CD244: variants seen among roughly 807,000 people sequenced by gnomAD.
CD244 encodes natural killer cell receptor 2B4.
CD244 carries 20 observed loss-of-function variants against 45.5 expected under a neutral mutation model. The observed-to-expected ratio is 0.44, with a 90% CI of 0.31 to 0.64. The LOEUF (loss-of-function observed/expected upper bound fraction) is 0.64. CD244 is among the 30% of genes least tolerant of loss of function. CD244 has a pLI of 0.08. For synonymous variants in CD244, 185 were observed against 160.5 expected (o/e 1.15, Z -1.15); for missense variants, 407 against 426.9 (o/e 0.95, Z 0.41).
chr1:160,855,730 G>A (rs2101893165), intron 1 of CD244, among the ~76,000 whole-genome samples: 1 of 152,336 alleles, frequency 6.6e-6, no homozygotes, highest in Non-Finnish European at 1.5e-5. Flanking sequence ...AGCAGCTTTG[G>A]GGGCCACCTT....
At position 160,831,126 on chromosome 1, in the gene CD244, C is replaced by T. The variant is rs1433248373; in HGVS notation, c.*221G>A. 1.1e-5 allele frequency: 5 copies of T among 466,098 alleles called. No homozygotes were observed. The highest frequency in any genetic ancestry group is 1.5e-5 in the Non-Finnish European group (4 of 260,116). The allele number at this position is 466,098 out of a possible 1,614,324, so 28.9% of individuals were successfully genotyped here. On this transcript the variant is annotated 3_prime_UTR_variant, in exon 9 of 9. Coordinates refer to ENST00000368034, the MANE Select transcript of CD244 (RefSeq NM_016382.4). ...TTTGTGAACAACCTAACCCCTCCACCCATTCATGTCTGATCTGTAAATTGG... is the reference window on the plus strand; with the variant it reads ...TTTGTGAACAACCTAACCCCTCCACTCATTCATGTCTGATCTGTAAATTGG...
chr1:160,835,334 T>C (rs1047241888), intron 6 of CD244, among the ~76,000 whole-genome samples: 3 of 152,206 alleles, frequency 2.0e-5, no homozygotes, highest in African/African-American at 7.2e-5. Context: ...TGCCACTACC[T>C]AGCTATGTAG....
At chr1:160,853,711 G>A (rs571168753) in intron 1 of CD244, among the ~76,000 whole-genome samples, 1 of 150,396 alleles carries the variant, frequency 6.6e-6, no homozygotes, top group East Asian at 2.0e-4. Flanking sequence ...AAAAGCCTGG[G>A]AGGCAGGGGT....
rs138411835 is a variant in CD244, at chr1:160,843,522, A to G, written c.62-1621T>C. ...CTGAAGAGGCAGGGCCTCTTCATGT[A>G]TAAGGCATGATTCCTGACTCCAGAG... On this transcript the variant is annotated intron_variant, in intron 1 of 8. Transcript: ENST00000368034. Among the ~76,000 whole-genome samples, 557 of 152,330 alleles carry G rather than the reference A, an allele frequency of 3.7e-3. 4 individuals carry two copies. The highest frequency in any genetic ancestry group is 0.024 in the Middle Eastern group (7 of 294).
At chr1:160,840,791 C>T (rs1407830437) in intron 3 of CD244, among the ~76,000 whole-genome samples, 1 of 152,180 alleles carries the variant, frequency 6.6e-6, no homozygotes, top group Non-Finnish European at 1.5e-5. Flanking sequence ...TGGGGTCATC[C>T]TGATGCTCCT....
intron 7 of CD244, among the ~76,000 whole-genome samples, chr1:160,832,877 T>C (rs1669179823): frequency 6.7e-6 from 1 of 149,214 alleles, no homozygotes; most frequent in East Asian, 1.9e-4. Flanking sequence ...TGTGTATATA[T>C]ATATATATAT....
Position 160,832,870 on chromosome 1 carries a change from G to GTGTA in CD244, c.961-296_961-295insTACA, listed in dbSNP as rs1336342075. Among the ~76,000 whole-genome samples, 881 of 117,912 alleles carry GTGTA rather than the reference G, an allele frequency of 7.5e-3. 9 individuals are homozygous for GTGTA. Among genetic ancestry groups the GTGTA allele is most frequent in the African/African-American group, 0.023 (840 of 35,932 alleles). 77.4% of individuals were successfully genotyped at this position (117,912 alleles called of 152,430 possible). ...CCCATACACATATGTGTGTGTGTGT[G>GTGTA]TATATATATATATATATACACACAC... On this transcript the variant is annotated intron_variant, in intron 7 of 8. Coordinates refer to ENST00000368034, the MANE Select transcript of CD244 (RefSeq NM_016382.4).
intron 1 of CD244, among the ~76,000 whole-genome samples, chr1:160,849,091 G>A (rs1375422692): frequency 6.6e-6 from 1 of 152,160 alleles, no homozygotes; most frequent in Non-Finnish European, 1.5e-5. Flanking sequence ...CTGAATTGGA[G>A]AACACCCAGC....
chr1:160,861,989 A>C (rs1030326620), intron 1 of CD244, among the ~76,000 whole-genome samples: 4 of 152,248 alleles, frequency 2.6e-5, no homozygotes, highest in African/African-American at 9.6e-5. Context: ...AGTAAATGTT[A>C]GATGGCTCCA....
At chr1:160,855,504 T>C (rs1445795257) in intron 1 of CD244, among the ~76,000 whole-genome samples, 2 of 152,182 alleles carry the variant, frequency 1.3e-5, no homozygotes, top group East Asian at 3.9e-4. Flanking sequence ...TCCAGGGTAT[T>C]GTGACTGATA....
chr1:160,832,947 A>G (rs1275836615), intron 7 of CD244, among the ~76,000 whole-genome samples: 3 of 147,972 alleles, frequency 2.0e-5, no homozygotes, highest in Admixed American at 6.8e-5. Context: ...TTCCCAGAGC[A>G]CACACACATA....
chr1:160,858,599 A>G (rs987647580), intron 1 of CD244, among the ~76,000 whole-genome samples: 2 of 152,206 alleles, frequency 1.3e-5, no homozygotes, highest in African/African-American at 4.8e-5. Flanking sequence ...TGTCTAACCC[A>G]AAAAACATCC....
In CD244 at chr1:160,848,257, T is replaced by C. The variant is rs1043086033; in HGVS notation, c.62-6356A>G. ...GCAAGTTCATCTATGGGGTGAAATT[T>C]GATGGTGAGAACTTCATCCTGAAGC... is the stretch of plus-strand genomic sequence containing the variant. On this transcript the variant is annotated intron_variant, in intron 1 of 8. Coordinates refer to ENST00000368034, the MANE Select transcript of CD244 (RefSeq NM_016382.4). 7 of 562,010 alleles carry C rather than the reference T, an allele frequency of 1.2e-5. No individual in the cohort carries two copies. In the African/African-American group the frequency reaches 1.3e-4, roughly 11 times the overall value. 34.8% of individuals were successfully genotyped at this position (562,010 alleles called of 1,614,324 possible). A position where few individuals can be genotyped will look rare whatever the true frequency, so the allele number is the denominator to read the frequency against.
At chr1:160,858,554 C>T (rs12048113) in intron 1 of CD244, among the ~76,000 whole-genome samples, 45,457 of 152,008 alleles carry the variant, frequency 0.3, 8,199 homozygotes, top group African/African-American at 0.5. Context: ...GGCCTATTCC[C>T]TGGGCAATGA....
chr1:160,862,528 T>C, intron 1 of CD244, 89 bp downstream of exon 1: 2 of 1,154,314 alleles, frequency 1.7e-6, no homozygotes, highest in Non-Finnish European at 2.6e-6. Flanking sequence ...ACTGTGTATG[T>C]GGCACAAGCA....
chr1:160,855,781 A>C (rs1468451389), intron 1 of CD244, among the ~76,000 whole-genome samples: 1 of 152,148 alleles, frequency 6.6e-6, no homozygotes, highest in African/African-American at 2.4e-5. Context: ...GTAACTCTGA[A>C]AGGGAGGGCA....
chr1:160,847,821 G>C (rs1669787523), intron 1 of CD244, among the ~76,000 whole-genome samples: 1 of 152,170 alleles, frequency 6.6e-6, no homozygotes, highest in Admixed American at 6.5e-5. Flanking sequence ...TGATGATGAT[G>C]ATGATAATCC....
Position 160,862,803 on chromosome 1 carries a change from CCA to C in CD244, c.-128_-127del. ...CAGAACTGCCTTGCAACCTGTCCAGCCACAGTTTCCTCAATTAGAGGCTGTTA... is the reference window on the plus strand; with the variant it reads ...CAGAACTGCCTTGCAACCTGTCCAGCCAGTTTCCTCAATTAGAGGCTGTTA... On this transcript the variant is annotated 5_prime_UTR_variant, in exon 1 of 9. Coordinates refer to ENST00000368034, the MANE Select transcript of CD244 (RefSeq NM_016382.4). 1 of 714,980 alleles carries C rather than the reference CCA, an allele frequency of 1.4e-6. No individual in the cohort carries two copies. Among genetic ancestry groups the C allele is most frequent in the Non-Finnish European group, 2.3e-6 (1 of 434,966 alleles). The allele number at this position is 714,980 out of a possible 1,614,324, so 44.3% of individuals were successfully genotyped here.
intron 1 of CD244, chr1:160,848,569 G>A (rs1022970834): frequency 2.1e-5 from 8 of 383,592 alleles, no homozygotes; most frequent in African/African-American, 1.1e-4. Context: ...AGAAAGAAAT[G>A]CTACACAGAG....
Sources: gnomAD v4.1 joint callset for allele counts (sites outside exome capture counted in the v4.1 genomes callset) on GRCh38, gnomAD v4.1.1 for gene constraint, MANE v1.5 for transcripts, NCBI Gene and HGNC (gene_info 2026-07-23, HGNC 2026-07-21) for gene names.